ZFAND6: variants seen among roughly 807,000 people sequenced by gnomAD.
ZFAND6 encodes AN1-type zinc finger protein 6.
Under a neutral mutation model 24.5 loss-of-function variants are expected in ZFAND6, and 12 were observed. The observed-to-expected ratio is 0.49, with a 90% CI of 0.31 to 0.79. The LOEUF (loss-of-function observed/expected upper bound fraction) is 0.79. Among genes scored for constraint, ZFAND6 ranks in the 30% least tolerant of loss-of-function variants. The probability of loss-of-function intolerance (pLI) is 0.04; values close to 1 mark genes in which losing one functional copy is unlikely to be tolerated. For missense variants in ZFAND6, 207 were observed against 245.9 expected (o/e 0.84, Z 1.06); for synonymous variants, 92 against 81.5 (o/e 1.13, Z -0.69).
intron 1 of ZFAND6, among the ~76,000 whole-genome samples, chr15:80,085,323 C>T (rs117996140): frequency 0.038 from 5,821 of 152,248 alleles, 147 homozygotes; most frequent in Non-Finnish European, 0.053. Context: ...CTGTTTTATT[C>T]GTTACTGTAT....
In ZFAND6 at chr15:80,138,004, G is replaced by A. The variant is rs576859132; in HGVS notation, c.*376G>A. Reference sequence around the variant, plus strand: ...TATATATCGCTTTTCTCTGCAGCACGATTTCTCTTTTGATAATGCCCTTTA... The same window carrying A: ...TATATATCGCTTTTCTCTGCAGCACAATTTCTCTTTTGATAATGCCCTTTA... On this transcript the variant is annotated 3_prime_UTR_variant, in exon 7 of 7. Coordinates refer to ENST00000261749, the MANE Select transcript of ZFAND6 (RefSeq NM_019006.4). 23 of 157,054 alleles carry A rather than the reference G, an allele frequency of 1.5e-4. No individual in the cohort carries two copies. The highest frequency in any genetic ancestry group is 2.4e-4 in the African/African-American group (10 of 41,664). 9.7% of individuals were successfully genotyped at this position (157,054 alleles called of 1,614,324 possible).
intron 5 of ZFAND6, among the ~76,000 whole-genome samples, chr15:80,124,666 G>GT (rs755469707): frequency 3.2e-4 from 49 of 152,166 alleles, no homozygotes; most frequent in Middle Eastern, 6.8e-3. Context: ...ACTTCAAAAG[G>GT]TGGTCCTGAT....
At chr15:80,063,996 C>T (rs1235707605) in intron 1 of ZFAND6, among the ~76,000 whole-genome samples, 1 of 152,226 alleles carries the variant, frequency 6.6e-6, no homozygotes, top group African/African-American at 2.4e-5. Context: ...CCCAGACTGG[C>T]CACATTTCAA....
At chr15:80,132,955 A>AAG (rs397750006) in intron 6 of ZFAND6, among the ~76,000 whole-genome samples, 4 of 151,228 alleles carry the variant, frequency 2.6e-5, no homozygotes, top group Admixed American at 2.0e-4. Flanking sequence ...AAAAAAAAAA[A>AAG]GGAAATTTGT....
intron 1 of ZFAND6, among the ~76,000 whole-genome samples, chr15:80,071,092 T>C (rs937843161): frequency 6.6e-6 from 1 of 152,218 alleles, no homozygotes; most frequent in African/African-American, 2.4e-5. Flanking sequence ...TGCAGCTGTT[T>C]GGGCTTCAGC....
At chr15:80,107,685 A>G (rs1017825481) in intron 2 of ZFAND6, among the ~76,000 whole-genome samples, 1 of 152,000 alleles carries the variant, frequency 6.6e-6, no homozygotes, top group African/African-American at 2.4e-5. Flanking sequence ...AGTCATGATG[A>G]TAGGCACCTG....
At position 80,122,780 on chromosome 15, in the gene ZFAND6, C is replaced by T; in HGVS notation, c.344C>T (p.Pro115Leu). 6.2e-7 allele frequency: 1 copy of T among 1,612,936 alleles called. No homozygotes were observed. Among genetic ancestry groups the T allele is most frequent in the Non-Finnish European group, 8.5e-7 (1 of 1,179,206 alleles). The part of the protein sequence containing the change: ...LDSTSVDKAV[P>L]ETEDVQASVS... ...AGTACATCTGTGGACAAAGCAGTAC[C>T]TGAAACAGAAGATGTGCAGGGTTTG... The change falls in exon 5 of 7, where the codon CCT becomes CTT. Residue 115 changes from proline (P) to leucine (L), a missense_variant. Physicochemically the swap from Pro to Leu is moderately conservative, Grantham distance 98. This residue lies in a region of ZFAND6 where 133 missense variants were observed against 122.8 expected (regional missense o/e 1.08). Transcript: ENST00000261749.
intron 1 of ZFAND6, among the ~76,000 whole-genome samples, chr15:80,080,564 T>C (rs1468710209): frequency 6.6e-6 from 1 of 152,240 alleles, no homozygotes; most frequent in Admixed American, 6.5e-5. Flanking sequence ...TATCTTAGTA[T>C]CTTCAGGCTG....
intron 2 of ZFAND6, chr15:80,111,677 G>T: frequency 6.4e-6 from 2 of 310,380 alleles, no homozygotes; most frequent in Non-Finnish European, 1.3e-5. Flanking sequence ...TAAGTGGGAG[G>T]GGCTCATCTT....
In ZFAND6 at chr15:80,098,222, T is replaced by A. The variant is rs1401765781; in HGVS notation, c.-180-194T>A. On this transcript the variant is annotated intron_variant, in intron 1 of 6. Transcript: ENST00000261749. Reference sequence around the variant, plus strand: ...CTAGTCTGTGGCCAGGTATAGAAAATCTATGGATTAGTTATATGCATATTG... The same window carrying A: ...CTAGTCTGTGGCCAGGTATAGAAAAACTATGGATTAGTTATATGCATATTG... Among the ~76,000 whole-genome samples the A allele has an allele frequency of 3.9e-5, 6 of 152,278 alleles. No homozygotes were observed. The East Asian group carries it at 1.2e-3, about 29-fold the overall frequency.
intron 2 of ZFAND6, among the ~76,000 whole-genome samples, chr15:80,104,304 T>G (rs1323889873): frequency 6.6e-6 from 1 of 152,176 alleles, no homozygotes; most frequent in Non-Finnish European, 1.5e-5. Context: ...AGTGGATCAT[T>G]TGAGGTCAGG....
chr15:80,127,397 G>C lies in ZFAND6; in HGVS notation c.365-3783G>C, dbSNP rs10047974. ...TAAGTCAGGAGTTGGAGACCAGCTTGGCCAACATGGTGAAACCCCATCTCT... is the reference window on the plus strand; with the variant it reads ...TAAGTCAGGAGTTGGAGACCAGCTTCGCCAACATGGTGAAACCCCATCTCT... On this transcript the variant is annotated intron_variant, in intron 5 of 6. Coordinates refer to ENST00000261749, the MANE Select transcript of ZFAND6 (RefSeq NM_019006.4). Among the ~76,000 whole-genome samples the C allele has an allele frequency of 1.6e-3, 247 of 152,014 alleles. 2 individuals are homozygous for C. The highest frequency in any genetic ancestry group is 5.6e-3 in the African/African-American group (231 of 41,460).
intron 5 of ZFAND6, among the ~76,000 whole-genome samples, chr15:80,126,144 G>A (rs1421308739): frequency 6.6e-6 from 1 of 152,154 alleles, no homozygotes; most frequent in Non-Finnish European, 1.5e-5. Context: ...CTTAGTGACA[G>A]GATGAACTAG....
chr15:80,079,012 A>G (rs1360107351), intron 1 of ZFAND6, among the ~76,000 whole-genome samples: 1 of 151,664 alleles, frequency 6.6e-6, no homozygotes, highest in Non-Finnish European at 1.5e-5. Flanking sequence ...AGCATTAGGT[A>G]TATCTCCTAA....
chr15:80,121,052 T>C (rs1165337701), intron 3 of ZFAND6, among the ~76,000 whole-genome samples: 1 of 152,174 alleles, frequency 6.6e-6, no homozygotes, highest in Non-Finnish European at 1.5e-5. Context: ...ATAAGAAGGA[T>C]CATGCGGATT....
chr15:80,113,312 A>T (rs1446826148), intron 2 of ZFAND6, among the ~76,000 whole-genome samples: 1 of 152,196 alleles, frequency 6.6e-6, no homozygotes, highest in Non-Finnish European at 1.5e-5. Flanking sequence ...TCAACAGAAG[A>T]AATCTGGAAT....
intron 2 of ZFAND6, among the ~76,000 whole-genome samples, chr15:80,108,353 T>A (rs1224081398): frequency 6.6e-6 from 1 of 152,076 alleles, no homozygotes; most frequent in Non-Finnish European, 1.5e-5. Flanking sequence ...GTCTACATAG[T>A]TGAATTAAAA....
intron 1 of ZFAND6, among the ~76,000 whole-genome samples, chr15:80,081,811 A>G (rs2037686276): frequency 6.6e-6 from 1 of 152,216 alleles, no homozygotes. Context: ...GGCCAGACTT[A>G]ATTTAGTTTA....
At chr15:80,129,217 A>G (rs970286447) in intron 5 of ZFAND6, among the ~76,000 whole-genome samples, 2 of 152,224 alleles carry the variant, frequency 1.3e-5, no homozygotes, top group Admixed American at 1.3e-4. Flanking sequence ...TTATTCATTG[A>G]AAATAAAAGG....
Sources: allele counts gnomAD v4.1 joint callset (sites outside exome capture counted in the v4.1 genomes callset), GRCh38; gene constraint gnomAD v4.1.1; regional missense constraint gnomAD v4.1.1; transcripts MANE v1.5; gene names NCBI Gene and HGNC (gene_info 2026-07-23, HGNC 2026-07-21).